Variants in KIDINS220 observed in about 807,000 individuals in gnomAD.
The protein encoded by KIDINS220 is kinase D-interacting substrate of 220 kDa.
A neutral mutation model predicts 157.6 loss-of-function variants in KIDINS220; 63 were observed. That is an observed-to-expected ratio of 0.40 (90% confidence interval 0.33 to 0.49). The LOEUF (loss-of-function observed/expected upper bound fraction) is 0.49, where lower values mean the gene tolerates loss of function less well. KIDINS220 is among the 20% of genes least tolerant of loss of function. The pLI is 0.66. For missense variants in KIDINS220, 1,772 were observed against 2,171.2 expected, an observed-to-expected ratio of 0.82 and a Z score of 3.65; for synonymous variants, 732 against 783.6, an observed-to-expected ratio of 0.93 and a Z score of 1.10.
chr2:8,758,132 G>A (rs942410567), intron 22 of KIDINS220, among the ~76,000 whole-genome samples: 4 of 152,312 alleles, frequency 2.6e-5, no homozygotes, highest in East Asian at 1.9e-4. Context: ...TAAAGTACTG[G>A]GATTACAGGC....
At chr2:8,763,050 C>G (rs1244055520) in intron 22 of KIDINS220, among the ~76,000 whole-genome samples, 1 of 152,138 alleles carries the variant, frequency 6.6e-6, no homozygotes, top group African/African-American at 2.4e-5. Flanking sequence ...ATAACATTCC[C>G]ATTGATACCC....
At chr2:8,803,210 A>G (rs1164052673) in intron 7 of KIDINS220, 83 bp from the exon 8 acceptor site, 1 of 1,181,362 alleles carries the variant, frequency 8.5e-7, no homozygotes, top group Admixed American at 2.7e-5. Flanking sequence ...TTTATGCCAT[A>G]ATCATAAAAC....
In KIDINS220 at chr2:8,778,706, C is replaced by G; in HGVS notation, c.2636G>C (p.Arg879Thr). ...CCCAAGGCTGTTCTGTGAAACTCTT[C>G]TGTCAGCATCTTCCTGTATCCCTTA... ...DTTGIQEDAD[R>T]RVSQNSLGEM... Residue 879 changes from arginine to threonine, a missense_variant, in exon 20 of 30, where the codon AGA becomes ACA. Around this residue, in one of 3 missense-constraint regions of KIDINS220, gnomAD observed 725 missense variants for 1,017.1 expected, o/e 0.71. Coordinates refer to ENST00000256707, the MANE Select transcript of KIDINS220 (RefSeq NM_020738.4). The G allele has an allele frequency of 6.2e-7, 1 of 1,614,106 alleles. No individual in the cohort carries two copies. Among genetic ancestry groups the G allele is most frequent in the Non-Finnish European group, 8.5e-7 (1 of 1,179,940 alleles).
intron 18 of KIDINS220, 58 bp from the exon 19 acceptor site, chr2:8,779,197 G>A: frequency 6.4e-7 from 1 of 1,572,388 alleles, no homozygotes; most frequent in Non-Finnish European, 8.6e-7. Context: ...AAAAGAATAA[G>A]GCATCTCTTC....
chr2:8,772,685 A>G lies in KIDINS220; in HGVS notation c.2849-1853T>C, dbSNP rs148271670. On this transcript the variant is annotated intron_variant, in intron 21 of 29. Coordinates refer to ENST00000256707, the MANE Select transcript of KIDINS220 (RefSeq NM_020738.4). ...TAATCTTATCTTCCAAAATAATCCA[A>G]TAAAACAAATTTGAAATAAAGTACA... is the stretch of plus-strand genomic sequence containing the variant. Among the ~76,000 whole-genome samples the G allele has an allele frequency of 6.9e-3, 1,053 of 152,322 alleles. 4 individuals are homozygous for G. The highest frequency in any genetic ancestry group is 0.034 in the Middle Eastern group (10 of 294).
intron 2 of KIDINS220, among the ~76,000 whole-genome samples, chr2:8,819,620 T>C (rs1403635066): frequency 6.6e-6 from 1 of 152,042 alleles, no homozygotes; most frequent in Non-Finnish European, 1.5e-5. Context: ...GGCCAGGAGT[T>C]CAAGACAAGC....
Position 8,817,670 on chromosome 2 carries a change from T to C in KIDINS220, c.254A>G (p.His85Arg), listed in dbSNP as rs764487996. ...ACATTTCAGTAGTTCCTCTACGATGTGCACATGCCCTTCTTTCGATGCAGA... is the reference window on the plus strand; with the variant it reads ...ACATTTCAGTAGTTCCTCTACGATGCGCACATGCCCTTCTTTCGATGCAGA... ...LISASKEGHV[H>R]IVEELLKCGV... The change falls in exon 4 of 30, where the codon CAC becomes CGC. Residue 85 changes from histidine to arginine, a missense_variant. Around this residue, in one of 3 missense-constraint regions of KIDINS220, gnomAD observed 254 missense variants for 268.6 expected, o/e 0.95. Transcript: ENST00000256707. The C allele has an allele frequency of 1.2e-6, 2 of 1,608,360 alleles. No individual in the cohort carries two copies. Among genetic ancestry groups the C allele is most frequent in the Non-Finnish European group, 1.7e-6 (2 of 1,176,810 alleles).
intron 2 of KIDINS220, among the ~76,000 whole-genome samples, chr2:8,824,696 G>A (rs921936495): frequency 6.6e-6 from 1 of 152,010 alleles, no homozygotes; most frequent in African/African-American, 2.4e-5. Flanking sequence ...AAAAACACAA[G>A]CAAAAACATG....
chr2:8,807,984 C>T lies in KIDINS220; in HGVS notation c.505-1615G>A, dbSNP rs66495150. On this transcript the variant is annotated intron_variant, in intron 6 of 29. Coordinates refer to ENST00000256707, the MANE Select transcript of KIDINS220 (RefSeq NM_020738.4). Reference sequence around the variant, plus strand: ...TAAAAATACAAAAAAATTAGCCAGGCGTGGTGGTATATGCCTGTAGTCCCA... The same window carrying T: ...TAAAAATACAAAAAAATTAGCCAGGTGTGGTGGTATATGCCTGTAGTCCCA... Among the ~76,000 whole-genome samples, 62 of 152,148 alleles carry T rather than the reference C, an allele frequency of 4.1e-4. 1 individual carries two copies. Among genetic ancestry groups the T allele is most frequent in the African/African-American group, 8.9e-4 (37 of 41,510 alleles).
intron 4 of KIDINS220, among the ~76,000 whole-genome samples, chr2:8,816,286 A>G (rs1677064664): frequency 6.6e-6 from 1 of 152,220 alleles, no homozygotes. Flanking sequence ...TAAAACAATG[A>G]TAGAGGAGAA....
chr2:8,783,935 T>C (rs1175362647), intron 17 of KIDINS220, among the ~76,000 whole-genome samples: 1 of 151,938 alleles, frequency 6.6e-6, no homozygotes, highest in Non-Finnish European at 1.5e-5. Context: ...AAAGTTCATA[T>C]GAGGAGAAAA....
intron 6 of KIDINS220, among the ~76,000 whole-genome samples, chr2:8,806,747 T>C (rs1012807484): frequency 6.6e-6 from 1 of 152,138 alleles, no homozygotes; most frequent in African/African-American, 2.4e-5. Flanking sequence ...AAATGGCTCA[T>C]TTTTTCGTAT....
chr2:8,754,838 T>C (rs1667811474), intron 22 of KIDINS220, among the ~76,000 whole-genome samples: 1 of 152,236 alleles, frequency 6.6e-6, no homozygotes, highest in Non-Finnish European at 1.5e-5. Flanking sequence ...ACATTTTATC[T>C]AAAAGTAGCT....
At chr2:8,823,990 G>T (rs1270755163) in intron 2 of KIDINS220, among the ~76,000 whole-genome samples, 6 of 150,742 alleles carry the variant, frequency 4.0e-5, no homozygotes, top group Admixed American at 4.0e-4. Context: ...AAAAAACATA[G>T]AGCTTACACA....
intron 14 of KIDINS220, among the ~76,000 whole-genome samples, chr2:8,789,283 A>ATTT (rs70946384): frequency 9.4e-4 from 102 of 109,052 alleles, no homozygotes; most frequent in African/African-American, 2.4e-3. Flanking sequence ...CAGAAAAAGA[A>ATTT]TTTTTTTTTT....
chr2:8,772,343 G>A (rs1041178378), intron 21 of KIDINS220, among the ~76,000 whole-genome samples: 2 of 152,060 alleles, frequency 1.3e-5, no homozygotes, highest in Non-Finnish European at 2.9e-5. Flanking sequence ...GAGCGTGGTG[G>A]CAGGCACCTG....
At chr2:8,835,881 G>A (rs1478335042) in intron 1 of KIDINS220, among the ~76,000 whole-genome samples, 1 of 151,998 alleles carries the variant, frequency 6.6e-6, no homozygotes, top group African/African-American at 2.4e-5. Flanking sequence ...GAAGGGGATG[G>A]CACATTCATA....
intron 1 of KIDINS220, among the ~76,000 whole-genome samples, chr2:8,833,405 T>C (rs1679931553): frequency 1.3e-5 from 2 of 152,166 alleles, no homozygotes; most frequent in African/African-American, 2.4e-5. Flanking sequence ...TGTTCTCTAT[T>C]ATGGAATCTT....
rs539858399 is a variant in KIDINS220 at position 8,791,291 on chromosome 2, T to C, written c.1277-67A>G. 93 of 1,383,626 alleles carry C rather than the reference T, an allele frequency of 6.7e-5. 1 individual carries two copies. The South Asian group carries it at 1.0e-3, about 16-fold the overall frequency. 85.7% of individuals were successfully genotyped at this position (1,383,626 alleles called of 1,614,324 possible). A position where few individuals can be genotyped will look rare whatever the true frequency, so the allele number is the denominator to read the frequency against. Reference sequence around the variant, plus strand: ...TTACTATTAGAAATGAACACTATTTTCATTGTTTCCTTGATTAGAGAGAAA... The same window carrying C: ...TTACTATTAGAAATGAACACTATTTCCATTGTTTCCTTGATTAGAGAGAAA... On this transcript the variant is annotated intron_variant, in intron 12 of 29. Coordinates refer to ENST00000256707, the MANE Select transcript of KIDINS220 (RefSeq NM_020738.4).
Sources: allele counts gnomAD v4.1 joint callset (sites outside exome capture counted in the v4.1 genomes callset), GRCh38; gene constraint gnomAD v4.1.1; regional missense constraint gnomAD v4.1.1; transcripts MANE v1.5; gene names NCBI Gene and HGNC (gene_info 2026-07-23, HGNC 2026-07-21).